The following FRMD4A variants were observed in gnomAD, a reference collection of about 807,000 sequenced individuals.
The protein encoded by FRMD4A is FERM domain containing 4A.
In FRMD4A, 29 loss-of-function variants were observed where a neutral mutation model predicts 129.1. The ratio of observed to expected loss-of-function variants is 0.22; its 90% CI spans 0.17 to 0.31. The LOEUF (loss-of-function observed/expected upper bound fraction) is 0.31. FRMD4A is among the 10% of genes least tolerant of loss of function. FRMD4A has a pLI of 1.00. For missense variants in FRMD4A, 1,272 were observed against 1,375.8 expected (o/e 0.92, Z 1.19); for synonymous variants, 634 against 571.6 (o/e 1.11, Z -1.56).
At chr10:14,041,048 A>G (rs539992525) in intron 2 of FRMD4A, among the ~76,000 whole-genome samples, 5 of 152,358 alleles carry the variant, frequency 3.3e-5, no homozygotes, top group African/African-American at 1.2e-4. Context: ...CCCTGAGAGA[A>G]AGCAAAATGA....
chr10:13,682,062 T>TA, intron 15 of FRMD4A, among the ~76,000 whole-genome samples: 1 of 116,336 alleles, frequency 8.6e-6, no homozygotes, highest in South Asian at 2.4e-4. Flanking sequence ...TCTACAAAAA[T>TA]TAAAAAAAAA....
At chr10:14,253,827 G>A (rs546446364) in intron 2 of FRMD4A, among the ~76,000 whole-genome samples, 15 of 152,106 alleles carry the variant, frequency 9.9e-5, no homozygotes, top group African/African-American at 3.1e-4. Context: ...GGGGAAGCTC[G>A]CTGAGACAGC....
intron 2 of FRMD4A, among the ~76,000 whole-genome samples, chr10:14,093,333 T>C (rs1305641675): frequency 6.6e-6 from 1 of 152,148 alleles, no homozygotes; most frequent in Admixed American, 6.5e-5. Context: ...AAATTCGAAA[T>C]TTTAGAGTCT....
At chr10:14,223,406 G>A (rs1221326866) in intron 2 of FRMD4A, among the ~76,000 whole-genome samples, 3 of 152,110 alleles carry the variant, frequency 2.0e-5, no homozygotes, top group African/African-American at 2.4e-5. Context: ...CTACACTGCC[G>A]TTGGCTCCCC....
chr10:14,277,470 G>T (rs555642736), intron 2 of FRMD4A, among the ~76,000 whole-genome samples: 128 of 152,276 alleles, frequency 8.4e-4, no homozygotes, highest in Middle Eastern at 3.4e-3. Flanking sequence ...AGGAGAGAAG[G>T]TGCCACCTAT....
chr10:14,062,392 G>T (rs1232943706), intron 2 of FRMD4A, among the ~76,000 whole-genome samples: 1 of 152,184 alleles, frequency 6.6e-6, no homozygotes, highest in East Asian at 1.9e-4. Context: ...GGATTGATCA[G>T]CCATGGACGT....
At chr10:13,695,606 A>C (rs2086148906) in intron 14 of FRMD4A, among the ~76,000 whole-genome samples, 1 of 152,226 alleles carries the variant, frequency 6.6e-6, no homozygotes, top group African/African-American at 2.4e-5. Flanking sequence ...CAGTACACAG[A>C]ACTTCGTGAA....
chr10:14,010,967 G>GCTA (rs1052799367), intron 2 of FRMD4A, among the ~76,000 whole-genome samples: 13 of 152,168 alleles, frequency 8.5e-5, no homozygotes, highest in African/African-American at 3.1e-4. Context: ...GTTATCAAAG[G>GCTA]CTACTTCCAT....
intron 8 of FRMD4A, among the ~76,000 whole-genome samples, chr10:13,752,361 A>G (rs1219267523): frequency 1.3e-5 from 2 of 152,236 alleles, no homozygotes; most frequent in African/African-American, 4.8e-5. Flanking sequence ...TTTAACCAAG[A>G]TGCCACAAAG....
At chr10:14,071,657 T>C (rs1009670130) in intron 2 of FRMD4A, among the ~76,000 whole-genome samples, 2 of 152,132 alleles carry the variant, frequency 1.3e-5, no homozygotes, top group Non-Finnish European at 2.9e-5. Context: ...ATTACTGTCC[T>C]TAAACTCAGT....
At chr10:14,238,707 C>T (rs920254544) in intron 2 of FRMD4A, among the ~76,000 whole-genome samples, 11 of 152,158 alleles carry the variant, frequency 7.2e-5, no homozygotes, top group African/African-American at 1.2e-4. Context: ...CTACAGGCCC[C>T]GGTGTGTGAT....
At chr10:14,267,837 A>ATACC in intron 2 of FRMD4A, among the ~76,000 whole-genome samples, 1 of 152,342 alleles carries the variant, frequency 6.6e-6, no homozygotes, top group East Asian at 1.9e-4. Flanking sequence ...CCTAATCTAG[A>ATACC]TACCTAATCA....
intron 2 of FRMD4A, among the ~76,000 whole-genome samples, chr10:14,051,797 G>C (rs35679405): frequency 0.17 from 26,455 of 152,252 alleles, 2,884 homozygotes; most frequent in East Asian, 0.42. Flanking sequence ...CTTCAGGAAA[G>C]GGCCCTGAGC....
chr10:14,177,038 T>C (rs1335043583), intron 2 of FRMD4A, among the ~76,000 whole-genome samples: 1 of 152,184 alleles, frequency 6.6e-6, no homozygotes, highest in African/African-American at 2.4e-5. Flanking sequence ...GCTGCATCCA[T>C]TATTTGCTTT....
In FRMD4A at chr10:13,786,567, T is replaced by G. The variant is rs1042574424; in HGVS notation, c.300-3561A>C. On this transcript the variant is annotated intron_variant, in intron 5 of 24. Coordinates refer to ENST00000357447, the MANE Select transcript of FRMD4A (RefSeq NM_018027.5). ...GTTGCAGTCAGCTGAGATCATGCCA[T>G]TGCACTCCAGCCTGGGCAACAAAAG... Among the ~76,000 whole-genome samples, 19 of 152,006 alleles carry G rather than the reference T, an allele frequency of 1.2e-4. 1 individual carries two copies. The highest frequency in any genetic ancestry group is 3.2e-3 in the Middle Eastern group (1 of 316).
chr10:13,949,674 T>G (rs1040508591), intron 2 of FRMD4A, among the ~76,000 whole-genome samples: 2 of 152,228 alleles, frequency 1.3e-5, no homozygotes, highest in South Asian at 2.1e-4. Context: ...ATTCCACAAA[T>G]TTTTAGTCTT....
intron 2 of FRMD4A, among the ~76,000 whole-genome samples, chr10:13,894,067 T>A (rs1487067980): frequency 6.6e-6 from 1 of 152,050 alleles, no homozygotes. Context: ...CCTCACCTGA[T>A]CATGGAGCCT....
intron 2 of FRMD4A, among the ~76,000 whole-genome samples, chr10:14,150,524 C>T (rs1840288972): frequency 6.6e-6 from 1 of 152,156 alleles, no homozygotes; most frequent in African/African-American, 2.4e-5. Flanking sequence ...TCTGCTTGTA[C>T]TTCTTCTACC....
At chr10:13,812,539 C>A (rs532911206) in intron 3 of FRMD4A, among the ~76,000 whole-genome samples, 2 of 152,284 alleles carry the variant, frequency 1.3e-5, no homozygotes, top group South Asian at 4.1e-4. Flanking sequence ...CTGTAGGAGA[C>A]AGAAAAATAA....
Sources: gnomAD v4.1 joint callset for allele counts (sites outside exome capture counted in the v4.1 genomes callset) on GRCh38, gnomAD v4.1.1 for gene constraint, MANE v1.5 for transcripts, NCBI Gene and HGNC (gene_info 2026-07-23, HGNC 2026-07-21) for gene names.